ANXA2: variants seen among roughly 807,000 people sequenced by gnomAD.
ANXA2 encodes the protein annexin II.
A neutral mutation model predicts 47.3 loss-of-function variants in ANXA2; 28 were observed. That is an observed-to-expected ratio of 0.59 (90% CI 0.44 to 0.81). The LOEUF (loss-of-function observed/expected upper bound fraction) is 0.81. Among genes scored for constraint, ANXA2 ranks in the 40% least tolerant of loss-of-function variants. The pLI is 0.00. For missense variants in ANXA2, 384 were observed against 414.3 expected (o/e 0.93, Z 0.64); for synonymous variants, 172 against 155.5 (o/e 1.11, Z -0.79).
chr15:60,395,035 T>A (rs887923721), intron 1 of ANXA2, among the ~76,000 whole-genome samples: 1 of 152,156 alleles, frequency 6.6e-6, no homozygotes, highest in Non-Finnish European at 1.5e-5. Context: ...ATTCTCACAA[T>A]TGAATCTGGA....
chr15:60,384,850 G>A (rs934262094), intron 2 of ANXA2: 1 of 152,156 alleles, frequency 6.6e-6, no homozygotes, highest in South Asian at 2.1e-4. Context: ...GTGATTCATT[G>A]CATTTTAATT....
At chr15:60,394,233 C>T (rs2063051577) in intron 1 of ANXA2, among the ~76,000 whole-genome samples, 1 of 152,154 alleles carries the variant, frequency 6.6e-6, no homozygotes, top group Non-Finnish European at 1.5e-5. Flanking sequence ...ACTCTGATTT[C>T]CTCTGAGCTG....
chr15:60,354,320 G>C, intron 7 of ANXA2, 107 bp from the exon 8 acceptor site: 1 of 902,566 alleles, frequency 1.1e-6, no homozygotes, highest in Non-Finnish European at 1.7e-6. Flanking sequence ...TCCTAAATAA[G>C]TAACCACGTA....
chr15:60,382,217 C>A, intron 3 of ANXA2, 125 bp downstream of exon 3: 1 of 691,238 alleles, frequency 1.4e-6, no homozygotes, highest in South Asian at 1.6e-5. Context: ...AGGTCTGGAT[C>A]TACTCCATTA....
chr15:60,381,219 A>G (rs62004987), intron 3 of ANXA2, among the ~76,000 whole-genome samples: 9,156 of 152,266 alleles, frequency 0.06, 396 homozygotes, highest in Non-Finnish European at 0.086. Context: ...TGTGAACTAT[A>G]TAAGTGTGTC....
chr15:60,397,056 A>T (rs2063089432), intron 1 of ANXA2, among the ~76,000 whole-genome samples: 2 of 152,314 alleles, frequency 1.3e-5, no homozygotes, highest in Middle Eastern at 3.4e-3. Context: ...GAGGAAACTT[A>T]TCTGTGTTCC....
intron 3 of ANXA2, among the ~76,000 whole-genome samples, chr15:60,368,226 G>A (rs1372044860): frequency 6.8e-6 from 1 of 147,006 alleles, no homozygotes; most frequent in Non-Finnish European, 1.5e-5. Context: ...TTGTTCACTT[G>A]TTTATCTGCT....
In ANXA2 at chr15:60,361,028, G is replaced by C; in HGVS notation, c.270C>G (p.Ala90=). 3 of 1,612,962 alleles carry C rather than the reference G, an allele frequency of 1.9e-6. No individual in the cohort carries two copies. The highest frequency in any genetic ancestry group is 1.7e-6 in the Non-Finnish European group (2 of 1,178,912). The change falls in exon 5 of 13, where the codon GCC becomes GCG. Residue 90 remains alanine, a synonymous_variant. Coordinates refer to ENST00000451270, the MANE Select transcript of ANXA2 (RefSeq NM_004039.3). ...TCACCGTCTCCAGGTGGCCAGATAAGGCTGACTTCAGTGCTGATGCAAGTT... is the reference window on the plus strand; with the variant it reads ...TCACCGTCTCCAGGTGGCCAGATAACGCTGACTTCAGTGCTGATGCAAGTT... ...KKELASALKS[A]LSGHLETVIL...
intron 1 of ANXA2, among the ~76,000 whole-genome samples, chr15:60,389,470 A>G (rs966526249): frequency 6.6e-6 from 1 of 152,182 alleles, no homozygotes; most frequent in African/African-American, 2.4e-5. Flanking sequence ...ACTCCCCAGT[A>G]CTGTGCAGAT....
intron 3 of ANXA2, among the ~76,000 whole-genome samples, chr15:60,365,845 T>TCTCCATCTCCCC (rs2062588079): frequency 1.8e-5 from 1 of 56,728 alleles, no homozygotes; most frequent in African/African-American, 8.5e-5. Flanking sequence ...TCCCTCTCCC[T>TCTCCATCTCCCC]CTCCCCCTCC....
chr15:60,366,802 CGGGG>C (rs1221245522), intron 3 of ANXA2, among the ~76,000 whole-genome samples: 29 of 1,304 alleles, frequency 0.022, no homozygotes, highest in Non-Finnish European at 0.036. Flanking sequence ...GGGAGGGAGG[CGGGG>C]GGGGGGGGGG....
At chr15:60,371,457 G>A (rs912445330) in intron 3 of ANXA2, among the ~76,000 whole-genome samples, 10 of 152,226 alleles carry the variant, frequency 6.6e-5, no homozygotes, top group Non-Finnish European at 1.2e-4. Flanking sequence ...CTCTCTGCGG[G>A]TGGAAACCCC....
intron 3 of ANXA2, among the ~76,000 whole-genome samples, chr15:60,382,076 G>A (rs1158412908): frequency 4.7e-5 from 7 of 148,906 alleles, no homozygotes; most frequent in Non-Finnish European, 1.1e-4. Flanking sequence ...GAGGGAGGAA[G>A]GAAGGAAGAG....
At chr15:60,382,268 T>G in intron 3 of ANXA2, 74 bp downstream of exon 3, 1 of 1,162,470 alleles carries the variant, frequency 8.6e-7, no homozygotes, top group Non-Finnish European at 1.3e-6. Context: ...TATGGCGATT[T>G]GAGGGAGAAT....
At chr15:60,364,248 GCA>G (rs2062559412) in intron 4 of ANXA2, among the ~76,000 whole-genome samples, 179 bp downstream of exon 4, 1 of 152,210 alleles carries the variant, frequency 6.6e-6, no homozygotes, top group Non-Finnish European at 1.5e-5. Flanking sequence ...ACGCGCGCGT[GCA>G]CACACGCACA....
intron 3 of ANXA2, among the ~76,000 whole-genome samples, chr15:60,376,978 AC>A (rs1035992295): frequency 6.6e-6 from 1 of 152,156 alleles, no homozygotes; most frequent in East Asian, 1.9e-4. Context: ...ACACACGGCT[AC>A]CCCCGTCTAG....
chr15:60,397,954 G>T lies in ANXA2; in HGVS notation c.-23C>A. The T allele has an allele frequency of 7.8e-7, 1 of 1,278,842 alleles. No homozygotes were observed. The highest frequency in any genetic ancestry group is 9.9e-7 in the Non-Finnish European group (1 of 1,010,834). The allele number at this position is 1,278,842 out of a possible 1,614,324, so 79.2% of individuals were successfully genotyped here. ...CGCGCCCCGCTTACCTGGGCCGTGCGCCGAGAGCTGAGAGCGTCCCCAAAT... is the reference window on the plus strand; with the variant it reads ...CGCGCCCCGCTTACCTGGGCCGTGCTCCGAGAGCTGAGAGCGTCCCCAAAT... On this transcript the variant is annotated 5_prime_UTR_variant, in exon 1 of 13. Coordinates refer to ENST00000451270, the MANE Select transcript of ANXA2 (RefSeq NM_004039.3).
intron 1 of ANXA2, chr15:60,390,249 T>G: frequency 9.7e-7 from 1 of 1,032,360 alleles, no homozygotes; most frequent in South Asian, 3.3e-5. Context: ...CATTATCCCA[T>G]GCAGGTGCCT....
At chr15:60,362,166 G>A (rs2140832053) in intron 4 of ANXA2, among the ~76,000 whole-genome samples, 1 of 152,250 alleles carries the variant, frequency 6.6e-6, no homozygotes, top group Non-Finnish European at 1.5e-5. Context: ...GGAGGGGACT[G>A]TAAAAGCAGT....
Sources: allele counts gnomAD v4.1 joint callset (sites outside exome capture counted in the v4.1 genomes callset), GRCh38; gene constraint gnomAD v4.1.1; transcripts MANE v1.5; gene names NCBI Gene and HGNC (gene_info 2026-07-23, HGNC 2026-07-21).